CFAP100: variants seen among roughly 807,000 people sequenced by gnomAD.
CFAP100 encodes the protein cilia and flagella associated protein 100, also known as cilia- and flagella-associated protein 100.
Under a neutral mutation model 81.5 loss-of-function variants are expected in CFAP100, and 70 were observed. The observed-to-expected ratio is 0.86, with a 90% CI of 0.71 to 1.05. The LOEUF is 1.05. Ranked by LOEUF, CFAP100 falls within the 50% of genes least tolerant of loss-of-function variation. The pLI, the probability that CFAP100 is intolerant of heterozygous loss-of-function variation, is 0.00. For synonymous variants in CFAP100, 341 were observed against 314.8 expected, an observed-to-expected ratio of 1.08 and a Z score of -0.88; for missense variants, 811 against 776.5, an observed-to-expected ratio of 1.04 and a Z score of -0.53.
At position 126,435,564 on chromosome 3, in the gene CFAP100, G is replaced by C. The variant is rs369057465; in HGVS notation, c.1634G>C (p.Arg545Pro). Residue 545 changes from arginine (R) to proline (P), a missense_variant, in exon 16 of 17, where the codon CGA (arginine) becomes CCA (proline). Transcript: ENST00000352312. ...AKEKERRIRL[R>P]EEKLQMQKIL... Reference sequence around the variant, plus strand: ...TGTCATTTCTTGCCACCCAGACTTCGAGAAGAGAAGCTCCAGATGCAAAAG... The same window carrying C: ...TGTCATTTCTTGCCACCCAGACTTCCAGAAGAGAAGCTCCAGATGCAAAAG... 9 of 1,610,662 alleles carry C rather than the reference G, an allele frequency of 5.6e-6. No homozygotes were observed. In the South Asian group the frequency reaches 9.9e-5, roughly 18 times the overall value.
intron 4 of CFAP100, chr3:126,414,382 C>T (rs999902712): frequency 8.8e-6 from 6 of 678,092 alleles, no homozygotes; most frequent in South Asian, 3.2e-5. Flanking sequence ...CCCATCTTCC[C>T]GTCTGTCACC....
At position 126,430,056 on chromosome 3, in the gene CFAP100, A is replaced by G. The variant is rs146076954; in HGVS notation, c.1287-3013A>G. ...CGTCTTAGAGCAGTTGTTGTACATGATAAGTCACTTTTCTCTTGCTATCAA... is the reference window on the plus strand; with the variant it reads ...CGTCTTAGAGCAGTTGTTGTACATGGTAAGTCACTTTTCTCTTGCTATCAA... On this transcript the variant is annotated intron_variant, in intron 13 of 16. Transcript: ENST00000352312. 1.6e-3 allele frequency among the ~76,000 whole-genome samples: 241 copies of G among 152,302 alleles called. 2 individuals are homozygous for G. The highest frequency in any genetic ancestry group is 2.7e-3 in the Non-Finnish European group (186 of 68,016).
chr3:126,414,265 G>C (rs760945935), intron 4 of CFAP100, 86 bp downstream of exon 4: 3 of 918,988 alleles, frequency 3.3e-6, no homozygotes, highest in South Asian at 1.3e-5. Flanking sequence ...CCTTCTCAGA[G>C]GAGCACTTTC....
chr3:126,423,454 T>C (rs2083363841), intron 12 of CFAP100, 39 bp from the exon 13 acceptor site: 1 of 1,612,204 alleles, frequency 6.2e-7, no homozygotes, highest in African/African-American at 1.3e-5. Flanking sequence ...CCTCTGGCTC[T>C]GTCCCTGTCC....
At chr3:126,428,580 ATGT>A (rs1933053977) in intron 13 of CFAP100, among the ~76,000 whole-genome samples, 1 of 151,940 alleles carries the variant, frequency 6.6e-6, no homozygotes, top group Non-Finnish European at 1.5e-5. Context: ...CTGGAGGGGG[ATGT>A]TGATAGTGGG....
intron 2 of CFAP100, among the ~76,000 whole-genome samples, chr3:126,398,530 C>T (rs1270306031): frequency 6.6e-6 from 1 of 152,238 alleles, no homozygotes; most frequent in Admixed American, 6.5e-5. Flanking sequence ...CTCAAGTGCA[C>T]GTCCCCCACA....
intron 14 of CFAP100, 166 bp downstream of exon 14, chr3:126,433,370 T>C: frequency 1.3e-6 from 1 of 746,776 alleles, no homozygotes; most frequent in Non-Finnish European, 2.2e-6. Flanking sequence ...CATGTATTGA[T>C]GCCTGTGCCA....
At chr3:126,410,995 CT>C (rs1209664658) in intron 3 of CFAP100, among the ~76,000 whole-genome samples, 1 of 152,212 alleles carries the variant, frequency 6.6e-6, no homozygotes, top group East Asian at 1.9e-4. Flanking sequence ...ATCTTCCTGC[CT>C]TTTCCAGCCT....
In CFAP100 at chr3:126,420,193, G is replaced by A; in HGVS notation, c.1046G>A (p.Ser349Asn). 6.2e-7 allele frequency: 1 copy of A among 1,612,740 alleles called. No individual in the cohort carries two copies. The highest frequency in any genetic ancestry group is 8.5e-7 in the Non-Finnish European group (1 of 1,180,012). ...TACCTGAGCAGCCCCCAGCAAGGCA[G>A]CCAGCCCAGCGAGTCCAGCGGTGGC... ...PSYLSSPQQGSQPSESSGGDS... is the reference protein window; with the variant it reads ...PSYLSSPQQGNQPSESSGGDS... The change falls in exon 11 of 17, where the codon AGC becomes AAC. Residue 349 changes from serine (S) to asparagine (N), a missense_variant. Physicochemically the swap from Ser to Asn is conservative, Grantham distance 46. Coordinates refer to ENST00000352312, the MANE Select transcript of CFAP100 (RefSeq NM_182628.3).
chr3:126,403,352 T>C (rs567516466), intron 2 of CFAP100, among the ~76,000 whole-genome samples: 3 of 151,086 alleles, frequency 2.0e-5, no homozygotes, highest in Non-Finnish European at 4.4e-5. Context: ...TCATGTCACA[T>C]GAGTGGAGTG....
At chr3:126,406,718 C>A (rs561724518) in intron 2 of CFAP100, among the ~76,000 whole-genome samples, 7 of 152,144 alleles carry the variant, frequency 4.6e-5, no homozygotes, top group Admixed American at 6.5e-5. Context: ...CCACTCCTCA[C>A]GGTGGGATAG....
chr3:126,399,308 T>A (rs1390567886), intron 2 of CFAP100, among the ~76,000 whole-genome samples: 1 of 152,188 alleles, frequency 6.6e-6, no homozygotes, highest in Non-Finnish European at 1.5e-5. Flanking sequence ...CCTGTTAGCC[T>A]GCAAGCTCTC....
chr3:126,434,523 T>C, intron 15 of CFAP100, 142 bp downstream of exon 15: 2 of 776,804 alleles, frequency 2.6e-6, no homozygotes, highest in Non-Finnish European at 4.0e-6. Flanking sequence ...GCCCATGTCT[T>C]GGGGGGATCT....
At chr3:126,399,459 A>G (rs1413209488) in intron 2 of CFAP100, among the ~76,000 whole-genome samples, 1 of 152,238 alleles carries the variant, frequency 6.6e-6, no homozygotes, top group Non-Finnish European at 1.5e-5. Context: ...AGGAAGTAAA[A>G]CTATTCACAG....
chr3:126,434,492 T>A, intron 15 of CFAP100, 111 bp downstream of exon 15: 1 of 1,042,212 alleles, frequency 9.6e-7, no homozygotes. Context: ...CCCCTCCTGC[T>A]CTGTGCTATG....
intron 2 of CFAP100, among the ~76,000 whole-genome samples, chr3:126,396,912 A>C (rs1576609359): frequency 6.6e-6 from 1 of 152,320 alleles, no homozygotes; most frequent in East Asian, 1.9e-4. Context: ...TCCATGGTTC[A>C]AAATTCAAAA....
chr3:126,422,232 A>G (rs1397148932), intron 11 of CFAP100, among the ~76,000 whole-genome samples: 1 of 152,206 alleles, frequency 6.6e-6, no homozygotes, highest in African/African-American at 2.4e-5. Flanking sequence ...ATTATCAGAA[A>G]GGCATCGTAT....
chr3:126,415,526 T>C (rs558212610), intron 4 of CFAP100, among the ~76,000 whole-genome samples: 1 of 152,274 alleles, frequency 6.6e-6, no homozygotes, highest in South Asian at 2.1e-4. Context: ...AGGTGACATT[T>C]TCCTGACTGC....
At chr3:126,395,006 GGGGCGCGCGGGGTCCGTGA>G (rs1241807508) in intron 1 of CFAP100, 28 bp downstream of exon 1, 1 of 152,620 alleles carries the variant, frequency 6.6e-6, no homozygotes, top group Non-Finnish European at 1.5e-5. Context: ...CCGGGGAGAG[GGGGCGCGCGGGGTCCGTGA>G]GGGCGCGTGG....
Sources: allele counts gnomAD v4.1 joint callset (sites outside exome capture counted in the v4.1 genomes callset), GRCh38; gene constraint gnomAD v4.1.1; transcripts MANE v1.5; gene names NCBI Gene and HGNC (gene_info 2026-07-23, HGNC 2026-07-21).